Variants in SLC25A12 observed in about 807,000 individuals in gnomAD.
The protein encoded by SLC25A12 is electrogenic aspartate/glutamate antiporter SLC25A12, mitochondrial.
In SLC25A12, 32 loss-of-function variants were observed where a neutral mutation model predicts 83.3. The observed-to-expected ratio is 0.38, with a 90% CI of 0.29 to 0.52. The LOEUF (loss-of-function observed/expected upper bound fraction) is 0.52, where lower values mean the gene tolerates loss of function less well. SLC25A12 is among the 20% of genes least tolerant of loss of function. SLC25A12 has a pLI of 0.84. For synonymous variants in SLC25A12, 267 were observed against 291.1 expected, an observed-to-expected ratio of 0.92 and a Z score of 0.84; for missense variants, 611 against 835.6, an observed-to-expected ratio of 0.73 and a Z score of 3.31.
At chr2:171,850,300 G>C (rs1229191348) in intron 4 of SLC25A12, among the ~76,000 whole-genome samples, 1 of 135,206 alleles carries the variant, frequency 7.4e-6, no homozygotes, top group South Asian at 2.4e-4. Context: ...ATTTTTGCTA[G>C]AGACAGGGTT....
rs914449675 is a variant in SLC25A12, at chr2:171,785,210, C to T, written c.*64G>A. The T allele has an allele frequency of 1.2e-5, 17 of 1,470,524 alleles. No individual in the cohort carries two copies. In the African/African-American group the frequency reaches 2.4e-4, roughly 20 times the overall value. 91.1% of individuals were successfully genotyped at this position (1,470,524 alleles called of 1,614,324 possible). A position where few individuals can be genotyped will look rare whatever the true frequency, so the allele number is the denominator to read the frequency against. On this transcript the variant is annotated 3_prime_UTR_variant, in exon 18 of 18. Transcript: ENST00000422440. ...ACCATGCAGCTGACTGGATACATTA[C>T]AGGGCTGCTCTCCTAGGCCTCTTTC...
rs1041569286 is a variant in SLC25A12, at chr2:171,784,913, C to T, written c.*361G>A. Reference sequence around the variant, plus strand: ...GTACATTTCAAGCCACTCAGAACCGCATTACATTTCTACAAATGTGATTTG... The same window carrying T: ...GTACATTTCAAGCCACTCAGAACCGTATTACATTTCTACAAATGTGATTTG... On this transcript the variant is annotated 3_prime_UTR_variant, in exon 18 of 18. Transcript: ENST00000422440. The T allele has an allele frequency of 7.0e-6, 2 of 287,230 alleles. No homozygotes were observed. Among genetic ancestry groups the T allele is most frequent in the Admixed American group, 4.5e-5 (1 of 22,010 alleles). The allele number at this position is 287,230 out of a possible 1,614,324, so 17.8% of individuals were successfully genotyped here. A position where few individuals can be genotyped will look rare whatever the true frequency, so the allele number is the denominator to read the frequency against.
intron 15 of SLC25A12, among the ~76,000 whole-genome samples, chr2:171,790,757 G>T (rs1308046370): frequency 6.6e-6 from 1 of 151,896 alleles, no homozygotes; most frequent in Non-Finnish European, 1.5e-5. Context: ...ACCCAGGCTG[G>T]AGTACAGTGG....
At chr2:171,790,341 C>T (rs1029068665) in intron 15 of SLC25A12, among the ~76,000 whole-genome samples, 3 of 151,916 alleles carry the variant, frequency 2.0e-5, no homozygotes, top group Admixed American at 6.5e-5. Context: ...CAAACATGCA[C>T]CCCTTCCTTC....
chr2:171,843,664 G>T (rs889457189), intron 5 of SLC25A12, among the ~76,000 whole-genome samples: 6 of 151,698 alleles, frequency 4.0e-5, no homozygotes, highest in African/African-American at 1.5e-4. Context: ...GCCACCAATA[G>T]TATTTACAAA....
At chr2:171,872,115 G>C (rs770262177) in intron 2 of SLC25A12, among the ~76,000 whole-genome samples, 50 of 151,866 alleles carry the variant, frequency 3.3e-4, no homozygotes, top group Admixed American at 5.9e-4. Context: ...AAGGGGTTTT[G>C]GGTTTAAACC....
At chr2:171,874,280 T>A (rs1685518631) in intron 2 of SLC25A12, among the ~76,000 whole-genome samples, 1 of 152,058 alleles carries the variant, frequency 6.6e-6, no homozygotes, top group Non-Finnish European at 1.5e-5. Flanking sequence ...TAATCCCAGC[T>A]ACTCGGGATG....
chr2:171,892,049 G>A (rs1685950211), intron 2 of SLC25A12, among the ~76,000 whole-genome samples: 1 of 152,150 alleles, frequency 6.6e-6, no homozygotes, highest in Non-Finnish European at 1.5e-5. Context: ...TAGACTTTTG[G>A]AATGGGAAGG....
intron 1 of SLC25A12, among the ~76,000 whole-genome samples, chr2:171,893,486 A>C (rs957378859): frequency 1.3e-5 from 2 of 152,236 alleles, no homozygotes; most frequent in African/African-American, 4.8e-5. Flanking sequence ...GCTATCGGAC[A>C]GTGCTTCCTC....
intron 8 of SLC25A12, among the ~76,000 whole-genome samples, chr2:171,827,427 T>C (rs181093798): frequency 2.9e-4 from 44 of 152,204 alleles, no homozygotes; most frequent in Middle Eastern, 6.8e-3. Context: ...ATGGGCCAAG[T>C]CTTCATTTGC....
At chr2:171,887,821 T>A (rs1196986431) in intron 2 of SLC25A12, among the ~76,000 whole-genome samples, 2 of 152,192 alleles carry the variant, frequency 1.3e-5, no homozygotes, top group African/African-American at 4.8e-5. Context: ...GTACTCCAAT[T>A]TCATGAACTT....
At chr2:171,891,459 T>G (rs892070101) in intron 2 of SLC25A12, among the ~76,000 whole-genome samples, 1 of 152,064 alleles carries the variant, frequency 6.6e-6, no homozygotes, top group Admixed American at 6.6e-5. Flanking sequence ...AGACCTCAAT[T>G]CCCATTCCTT....
At chr2:171,875,224 A>T (rs1558941306) in intron 2 of SLC25A12, among the ~76,000 whole-genome samples, 1 of 152,166 alleles carries the variant, frequency 6.6e-6, no homozygotes, top group Non-Finnish European at 1.5e-5. Flanking sequence ...GCCAATGGGG[A>T]ACCTCTAGGA....
At chr2:171,805,271 G>T (rs1368598558) in intron 13 of SLC25A12, among the ~76,000 whole-genome samples, 1 of 151,954 alleles carries the variant, frequency 6.6e-6, no homozygotes, top group Non-Finnish European at 1.5e-5. Context: ...ACTTCACCTG[G>T]CTAATTTTTT....
chr2:171,793,830 A>G, intron 13 of SLC25A12, 63 bp from the exon 14 acceptor site: 2 of 1,582,322 alleles, frequency 1.3e-6, no homozygotes, highest in South Asian at 1.1e-5. Flanking sequence ...AGCGTAAAAA[A>G]GGAAAATCCA....
At chr2:171,822,959 AG>A (rs1460869183) in intron 9 of SLC25A12, among the ~76,000 whole-genome samples, 1 of 152,264 alleles carries the variant, frequency 6.6e-6, no homozygotes, top group Admixed American at 6.5e-5. Flanking sequence ...TTGGCAATAT[AG>A]GAAAAATTAC....
At chr2:171,813,989 C>T (rs898841920) in intron 10 of SLC25A12, among the ~76,000 whole-genome samples, 1 of 152,062 alleles carries the variant, frequency 6.6e-6, no homozygotes, top group African/African-American at 2.4e-5. Flanking sequence ...ATATTAGAAA[C>T]ACACTTCAAC....
chr2:171,829,816 G>A (rs1019704029), intron 8 of SLC25A12, among the ~76,000 whole-genome samples: 4 of 152,196 alleles, frequency 2.6e-5, no homozygotes, highest in African/African-American at 7.2e-5. Context: ...GCCACTTGCC[G>A]AGAAGCAGAC....
chr2:171,848,456 T>C (rs1343884672), intron 4 of SLC25A12, among the ~76,000 whole-genome samples: 2 of 152,214 alleles, frequency 1.3e-5, no homozygotes, highest in Non-Finnish European at 2.9e-5. Flanking sequence ...ACCTGCACAG[T>C]TCTTAAAGTG....
Sources: allele counts gnomAD v4.1 joint callset (sites outside exome capture counted in the v4.1 genomes callset), GRCh38; gene constraint gnomAD v4.1.1; transcripts MANE v1.5; gene names NCBI Gene and HGNC (gene_info 2026-07-23, HGNC 2026-07-21).